Variants in RB1 observed in about 807,000 individuals in gnomAD.
RB1 encodes the protein RB transcriptional corepressor 1, also known as retinoblastoma-associated protein.
RB1 carries 18 observed loss-of-function variants against 135.4 expected under a neutral mutation model. That is an observed-to-expected ratio of 0.13 (90% CI 0.09 to 0.20). The LOEUF is 0.20. Among genes scored for constraint, RB1 ranks in the 10% least tolerant of loss-of-function variants. The probability of loss-of-function intolerance (pLI) is 1.00; values close to 1 mark genes in which losing one functional copy is unlikely to be tolerated. For missense variants in RB1, 868 were observed against 1,110.0 expected, an observed-to-expected ratio of 0.78 and a Z score of 3.10; for synonymous variants, 365 against 373.2, an observed-to-expected ratio of 0.98 and a Z score of 0.25.
intron 17 of RB1, among the ~76,000 whole-genome samples, chr13:48,383,164 A>AT (rs909253777): frequency 6.6e-6 from 1 of 151,962 alleles, no homozygotes; most frequent in Non-Finnish European, 1.5e-5. Context: ...TAAAAAGTGC[A>AT]TTTTTTTCTT....
intron 2 of RB1, among the ~76,000 whole-genome samples, chr13:48,340,038 C>T (rs1032012628): frequency 1.4e-4 from 22 of 152,090 alleles, no homozygotes; most frequent in African/African-American, 4.1e-4. Context: ...TACAGAGGTG[C>T]GAAGGTAATG....
intron 3 of RB1, among the ~76,000 whole-genome samples, chr13:48,344,303 A>T (rs1341528092): frequency 6.6e-6 from 1 of 152,208 alleles, no homozygotes; most frequent in Admixed American, 6.5e-5. Flanking sequence ...CAAATAAAGT[A>T]TGCATTTTGG....
chr13:48,458,455 A>T (rs1485941182), intron 19 of RB1, among the ~76,000 whole-genome samples: 2 of 152,226 alleles, frequency 1.3e-5, no homozygotes, highest in Non-Finnish European at 2.9e-5. Flanking sequence ...GCTGAGCTTT[A>T]CAGGCATATT....
At chr13:48,383,243 A>T (rs1285725384) in intron 17 of RB1, among the ~76,000 whole-genome samples, 1 of 152,014 alleles carries the variant, frequency 6.6e-6, no homozygotes, top group Non-Finnish European at 1.5e-5. Flanking sequence ...GTTCAATTAT[A>T]GGTATTGGTT....
At position 48,459,805 on chromosome 13, in the gene RB1, A is replaced by G. The variant is rs775195256; in HGVS notation, c.2078A>G (p.Glu693Gly). Reference protein sequence around the residue: ...LFQHTLQNEYELMRDRHLDQI... With the variant: ...LFQHTLQNEYGLMRDRHLDQI... ...CAGCACACCCTGCAGAATGAGTATGAACTCATGAGAGACAGGCATTTGGAC... is the reference window on the plus strand; with the variant it reads ...CAGCACACCCTGCAGAATGAGTATGGACTCATGAGAGACAGGCATTTGGAC... Residue 693 changes from glutamate to glycine, a missense_variant, in exon 20 of 27, where the codon GAA (glutamate) becomes GGA (glycine). This residue lies in a region of RB1 where 31 missense variants were observed against 78.9 expected (regional missense o/e 0.39). Transcript: ENST00000267163. The G allele has an allele frequency of 6.8e-6, 11 of 1,613,848 alleles. No individual in the cohort carries two copies. The South Asian group carries it at 7.7e-5, about 11-fold the overall frequency.
chr13:48,472,163 C>G (rs944173370), intron 23 of RB1, among the ~76,000 whole-genome samples: 2 of 152,122 alleles, frequency 1.3e-5, no homozygotes, highest in Non-Finnish European at 2.9e-5. Context: ...TTAATGTAGT[C>G]TCATCTCAGA....
chr13:48,456,091 A>G lies in RB1; in HGVS notation c.1815-113A>G, dbSNP rs3092897. Reference sequence around the variant, plus strand: ...CCAGCTTGCATTTAAATAGTCTGCTATAATACCAATTAAATAGACAAGATG... The same window carrying G: ...CCAGCTTGCATTTAAATAGTCTGCTGTAATACCAATTAAATAGACAAGATG... On this transcript the variant is annotated intron_variant, in intron 18 of 26. Transcript: ENST00000267163. 2,825 of 1,533,062 alleles carry G rather than the reference A, an allele frequency of 1.8e-3. 52 individuals are homozygous for G. The African/African-American group carries it at 0.034, about 19-fold the overall frequency. The allele number at this position is 1,533,062 out of a possible 1,614,324, so 95.0% of individuals were successfully genotyped here. A position where few individuals can be genotyped will look rare whatever the true frequency, so the allele number is the denominator to read the frequency against.
chr13:48,349,061 A>T, intron 6 of RB1, 38 bp downstream of exon 6: 1 of 1,559,026 alleles, frequency 6.4e-7, no homozygotes, highest in Non-Finnish European at 8.7e-7. Context: ...AATATTTCAA[A>T]TGTAATAATT....
At chr13:48,430,949 G>A (rs550205133) in intron 17 of RB1, among the ~76,000 whole-genome samples, 119 of 152,154 alleles carry the variant, frequency 7.8e-4, no homozygotes, top group Non-Finnish European at 1.2e-3. Context: ...TTTAAAAATA[G>A]CAGTAGAGGC....
intron 20 of RB1, among the ~76,000 whole-genome samples, chr13:48,463,252 T>C (rs1453159980): frequency 6.6e-6 from 1 of 152,222 alleles, no homozygotes; most frequent in Non-Finnish European, 1.5e-5. Flanking sequence ...CTTAGTTATA[T>C]AACCAGCATC....
intron 2 of RB1, among the ~76,000 whole-genome samples, chr13:48,331,797 T>A (rs1436137780): frequency 6.6e-6 from 1 of 152,224 alleles, no homozygotes; most frequent in African/African-American, 2.4e-5. Flanking sequence ...TACACTCCCA[T>A]GTTCATTGCA....
At position 48,380,034 on chromosome 13, in the gene RB1, T is replaced by C; in HGVS notation, c.1390-19T>C. 2.3e-6 allele frequency: 3 copies of C among 1,311,108 alleles called. No individual in the cohort carries two copies. The highest frequency in any genetic ancestry group is 3.1e-6 in the Non-Finnish European group (3 of 966,260). The allele number at this position is 1,311,108 out of a possible 1,614,324, so 81.2% of individuals were successfully genotyped here. A position where few individuals can be genotyped will look rare whatever the true frequency, so the allele number is the denominator to read the frequency against. ...CAATTAAACAACTTCTTTTTTTTTT[T>C]TTAAATTATCTGTTTCAGGAAGAAG... On this transcript the variant is annotated intron_variant, in intron 14 of 26. Coordinates refer to ENST00000267163, the MANE Select transcript of RB1 (RefSeq NM_000321.3).
chr13:48,320,285 T>C (rs1214692803), intron 2 of RB1: 2 of 1,222,842 alleles, frequency 1.6e-6, no homozygotes, highest in African/African-American at 3.0e-5. Flanking sequence ...CGCTCATCGG[T>C]GGTGCCCCGA....
At chr13:48,377,693 A>G (rs1355235277) in intron 13 of RB1, among the ~76,000 whole-genome samples, 3 of 152,128 alleles carry the variant, frequency 2.0e-5, no homozygotes, top group African/African-American at 7.2e-5. Flanking sequence ...TTGATATTTA[A>G]TGGTTCTTTT....
chr13:48,387,220 T>A (rs2138152968), intron 17 of RB1, among the ~76,000 whole-genome samples: 1 of 152,348 alleles, frequency 6.6e-6, no homozygotes, highest in Middle Eastern at 3.4e-3. Context: ...AAAACAGTGC[T>A]ATTGTTCTAT....
chr13:48,353,130 T>C (rs1050560016), intron 6 of RB1, among the ~76,000 whole-genome samples: 1 of 151,538 alleles, frequency 6.6e-6, no homozygotes, highest in Non-Finnish European at 1.5e-5. Flanking sequence ...GAAATTGCAA[T>C]GAAAAAATTG....
intron 17 of RB1, among the ~76,000 whole-genome samples, chr13:48,401,920 T>C (rs1021121865): frequency 2.0e-5 from 3 of 152,226 alleles, no homozygotes; most frequent in Non-Finnish European, 4.4e-5. Context: ...TCTGTCTTGC[T>C]ATCTTTTAAG....
intron 21 of RB1, among the ~76,000 whole-genome samples, chr13:48,464,683 C>T (rs1291288353): frequency 6.6e-6 from 1 of 152,136 alleles, no homozygotes; most frequent in Admixed American, 6.5e-5. Context: ...TCCATTCTAC[C>T]AGTCTATCTA....
chr13:48,473,288 T>C, intron 23 of RB1, 72 bp from the exon 24 acceptor site: 1 of 1,197,138 alleles, frequency 8.4e-7, no homozygotes, highest in East Asian at 2.3e-5. Context: ...CAGAATGATG[T>C]ATTTATGCTC....
Sources: allele counts gnomAD v4.1 joint callset (sites outside exome capture counted in the v4.1 genomes callset), GRCh38; gene constraint gnomAD v4.1.1; regional missense constraint gnomAD v4.1.1; transcripts MANE v1.5; gene names NCBI Gene and HGNC (gene_info 2026-07-23, HGNC 2026-07-21).